TAS1R3: variants seen among roughly 807,000 people sequenced by gnomAD.
The protein encoded by TAS1R3 is taste 1 receptor member 3.
TAS1R3 carries 58 observed loss-of-function variants against 46.1 expected under a neutral mutation model. The observed-to-expected ratio is 1.26, with a 90% CI of 1.02 to 1.57. TAS1R3 has a LOEUF of 1.57. Among genes scored for constraint, TAS1R3 ranks in the 40% most tolerant of loss-of-function variants. The pLI is 0.00. For missense variants in TAS1R3, 1,422 were observed against 1,185.8 expected, an observed-to-expected ratio of 1.20 and a Z score of -2.93; for synonymous variants, 724 against 544.7, an observed-to-expected ratio of 1.33 and a Z score of -4.58.
Position 1,332,225 on chromosome 1 carries a change from G to A in TAS1R3, c.694G>A (p.Ala232Thr), listed in dbSNP as rs1446807517. ...GAGCATCTTCTCGGCCCTGGCCGCG[G>A]CACGCGGCATCTGCATCGCGCACGA... ...GLSIFSALAA[A>T]RGICIAHEGL... Residue 232 changes from alanine (A) to threonine (T), a missense_variant, in exon 3 of 6, where the codon GCA (alanine) becomes ACA (threonine). Physicochemically the swap from Ala to Thr is moderately conservative, Grantham distance 58 (BLOSUM62 0). Transcript: ENST00000339381. 1.9e-5 allele frequency: 30 copies of A among 1,592,604 alleles called. No individual in the cohort carries two copies. Among genetic ancestry groups the A allele is most frequent in the East Asian group, 6.7e-5 (3 of 44,554 alleles).
Position 1,332,611 on chromosome 1 carries a change from T to G in TAS1R3, c.1080T>G (p.Gly360=), listed in dbSNP as rs767688965. 5 of 1,610,548 alleles carry G rather than the reference T, an allele frequency of 3.1e-6. No individual in the cohort carries two copies. The Admixed American group carries it at 8.3e-5, about 27-fold the overall frequency. ...CTGCCCTGGGCGAGAGGGAGCAGGG[T>G]CTGGAGGAGGACGTGGTGGGCCAGC... The part of the protein sequence containing the change: ...FCSALGEREQ[G]LEEDVVGQRC... Residue 360 remains glycine, a synonymous_variant, in exon 3 of 6, where the codon GGT becomes GGG. Coordinates refer to ENST00000339381, the MANE Select transcript of TAS1R3 (RefSeq NM_152228.3).
Position 1,331,919 on chromosome 1 carries a change from G to T in TAS1R3, c.473G>T (p.Ser158Ile). Residue 158 changes from serine (S) to isoleucine (I), a missense_variant, in exon 2 of 6, where the codon AGC becomes ATC. Ser to Ile is a moderately radical substitution (Grantham distance 142, BLOSUM62 -2). Transcript: ENST00000339381. ...GCCATGGTCACCGGCAAGTTCTTCAGCTTCTTCCTCATGCCCCAGGTGGGC... is the reference window on the plus strand; with the variant it reads ...GCCATGGTCACCGGCAAGTTCTTCATCTTCTTCCTCATGCCCCAGGTGGGC... Reference protein sequence around the residue: ...ELAMVTGKFFSFFLMPQVSYG... With the variant: ...ELAMVTGKFFIFFLMPQVSYG... 1 of 1,611,722 alleles carries T rather than the reference G, an allele frequency of 6.2e-7. No homozygotes were observed. The highest frequency in any genetic ancestry group is 8.5e-7 in the Non-Finnish European group (1 of 1,179,148).
chr1:1,331,873 G>A lies in TAS1R3; in HGVS notation c.427G>A (p.Gly143Arg), dbSNP rs140582284. Residue 143 changes from glycine to arginine, a missense_variant, in exon 2 of 6, where the codon GGG becomes AGG. Transcript: ENST00000339381. Reference sequence around the variant, plus strand: ...CCAGCCCCGTGTGCTGGCTGTCATCGGGCCCCACTCGTCAGAGCTCGCCAT... The same window carrying A: ...CCAGCCCCGTGTGCTGGCTGTCATCAGGCCCCACTCGTCAGAGCTCGCCAT... ...QYQPRVLAVIGPHSSELAMVT... is the reference protein window; with the variant it reads ...QYQPRVLAVIRPHSSELAMVT... 225 of 1,612,822 alleles carry A rather than the reference G, an allele frequency of 1.4e-4. No individual in the cohort carries two copies. In the Middle Eastern group the frequency reaches 2.5e-3, roughly 18 times the overall value.
In TAS1R3 at chr1:1,332,257, GGTGCCGCTGCCCC is replaced by G. The variant is rs750601498; in HGVS notation, c.733_745del (p.Leu245MetfsTer15). On this transcript the variant is annotated frameshift_variant, in exon 3 of 6. Coordinates refer to ENST00000339381, the MANE Select transcript of TAS1R3 (RefSeq NM_152228.3). LOFTEE classifies it high-confidence loss of function. ...GCATCTGCATCGCGCACGAGGGCCT[GGTGCCGCTGCCCC>G]GTGCCGATGACTCGCGGCTGGGGAA... 1.2e-5 allele frequency: 19 copies of G among 1,597,962 alleles called. No individual in the cohort carries two copies. Among genetic ancestry groups the G allele is most frequent in the Middle Eastern group, 1.6e-4 (1 of 6,066 alleles).
At position 1,332,987 on chromosome 1, in the gene TAS1R3, G is replaced by T. The variant is rs143311630; in HGVS notation, c.1342G>T (p.Gly448Ter). The stretch of plus-strand genomic sequence containing the variant: ...GCTGCCGCTGCGGTTCGACAGCAGC[G>T]GAAACGTGGACATGGAGTACGACCT... Reference protein sequence around the residue: ...GGLPLRFDSSGNVDMEYDLKL... With the variant: ...GGLPLRFDSS The change falls in exon 4 of 6, where the codon GGA becomes TGA. Residue 448 changes from glycine to a stop codon, truncating the protein, a stop_gained. Coordinates refer to ENST00000339381, the MANE Select transcript of TAS1R3 (RefSeq NM_152228.3). LOFTEE classifies it high-confidence loss of function. The T allele has an allele frequency of 6.2e-7, 1 of 1,612,732 alleles. No homozygotes were observed. The highest frequency in any genetic ancestry group is 1.1e-5 in the South Asian group (1 of 91,084).
Position 1,333,797 on chromosome 1 carries a change from C to A in TAS1R3, c.1892C>A (p.Ala631Asp). 3.8e-6 allele frequency: 6 copies of A among 1,594,974 alleles called. No homozygotes were observed. The highest frequency in any genetic ancestry group is 5.1e-6 in the Non-Finnish European group (6 of 1,175,828). The change falls in exon 6 of 6, where the codon GCC becomes GAC. Residue 631 changes from alanine to aspartate, a missense_variant. Transcript: ENST00000339381. ...VLLFPGQPSPARCLAQQPLSH... is the reference protein window; with the variant it reads ...VLLFPGQPSPDRCLAQQPLSH... ...CTGTTCCCTGGCCAGCCCAGCCCTG[C>A]CCGATGCCTGGCCCAGCAGCCCTTG...
Position 1,332,480 on chromosome 1 carries a change from C to T in TAS1R3, c.949C>T (p.Gln317Ter). The T allele has an allele frequency of 6.2e-7, 1 of 1,610,382 alleles. No homozygotes were observed. The highest frequency in any genetic ancestry group is 8.5e-7 in the Non-Finnish European group (1 of 1,179,872). Residue 317 changes from glutamine (Q) to a stop codon, truncating the protein, a stop_gained, in exon 3 of 6, where the codon CAG (glutamine) becomes TAG (stop). Coordinates refer to ENST00000339381, the MANE Select transcript of TAS1R3 (RefSeq NM_152228.3). LOFTEE classifies it high-confidence loss of function. ...DLVMGLPGMA[Q>*]MGTVLGFLQR... Reference sequence around the variant, plus strand: ...GGTCATGGGGCTGCCCGGCATGGCCCAGATGGGCACGGTGCTTGGCTTCCT... The same window carrying T: ...GGTCATGGGGCTGCCCGGCATGGCCTAGATGGGCACGGTGCTTGGCTTCCT...
rs751121014 is a variant in TAS1R3 at position 1,333,861 on chromosome 1, C to T, written c.1956C>T (p.Phe652=). The T allele has an allele frequency of 3.7e-6, 6 of 1,600,364 alleles. No individual in the cohort carries two copies. Among genetic ancestry groups the T allele is most frequent in the Admixed American group, 1.7e-5 (1 of 59,976 alleles). Reference sequence around the variant, plus strand: ...TCACGGGCTGCCTGAGCACACTCTTCCTGCAGGCGGCCGAGATCTTCGTGG... The same window carrying T: ...TCACGGGCTGCCTGAGCACACTCTTTCTGCAGGCGGCCGAGATCTTCGTGG... ...LPLTGCLSTL[F]LQAAEIFVES... is the part of the protein sequence containing the mutation. Residue 652 remains phenylalanine (F), a synonymous_variant, in exon 6 of 6, where the codon TTC becomes TTT. Coordinates refer to ENST00000339381, the MANE Select transcript of TAS1R3 (RefSeq NM_152228.3).
At position 1,331,512 on chromosome 1, in the gene TAS1R3, G is replaced by A. The variant is rs373813861; in HGVS notation, c.167G>A (p.Arg56Gln). The A allele has an allele frequency of 4.5e-5, 72 of 1,601,344 alleles. No individual in the cohort carries two copies. Among genetic ancestry groups the A allele is most frequent in the Middle Eastern group, 1.7e-4 (1 of 6,038 alleles). The change falls in exon 1 of 6, where the codon CGG (arginine) becomes CAG (glutamine). Residue 56 changes from arginine (R) to glutamine (Q), a missense_variant. Coordinates refer to ENST00000339381, the MANE Select transcript of TAS1R3 (RefSeq NM_152228.3). ...AEEAGLRSRT[R>Q]PSSPVCTRFS... The stretch of plus-strand genomic sequence containing the variant: ...GAGGCTGGCCTCCGCAGCCGGACAC[G>A]GCCCAGCAGCCCTGTGTGCACCAGG...
intron 3 of TAS1R3, 38 bp from the exon 4 acceptor site, chr1:1,332,883 G>A (rs1557656976): frequency 6.3e-7 from 1 of 1,590,384 alleles, no homozygotes; most frequent in African/African-American, 1.3e-5. Flanking sequence ...GCCTGAGCTG[G>A]AGGTGGCTGG....
rs778476233 is a variant in TAS1R3 at position 1,332,242 on chromosome 1, C to T, written c.711C>T (p.Ile237=). ...TGGCCGCGGCACGCGGCATCTGCATCGCGCACGAGGGCCTGGTGCCGCTGC... is the reference window on the plus strand; with the variant it reads ...TGGCCGCGGCACGCGGCATCTGCATTGCGCACGAGGGCCTGGTGCCGCTGC... The part of the protein sequence containing the change: ...SALAAARGIC[I]AHEGLVPLPR... Residue 237 remains isoleucine, a synonymous_variant, in exon 3 of 6, where the codon ATC becomes ATT. Transcript: ENST00000339381. The T allele has an allele frequency of 6.3e-6, 10 of 1,594,816 alleles. No individual in the cohort carries two copies. The highest frequency in any genetic ancestry group is 1.3e-5 in the African/African-American group (1 of 74,902).
Position 1,332,283 on chromosome 1 carries a change from C to T in TAS1R3, c.752C>T (p.Ser251Leu), listed in dbSNP as rs544429799. 109 of 1,604,242 alleles carry T rather than the reference C, an allele frequency of 6.8e-5. 2 individuals carry two copies. The highest frequency in any genetic ancestry group is 6.4e-4 in the South Asian group (58 of 90,674). The change falls in exon 3 of 6, where the codon TCG becomes TTG. Residue 251 changes from serine (S) to leucine (L), a missense_variant. Transcript: ENST00000339381. ...GLVPLPRADD[S>L]RLGKVQDVLH... ...GTGCCGCTGCCCCGTGCCGATGACT[C>T]GCGGCTGGGGAAGGTGCAGGACGTC...
In TAS1R3 at chr1:1,333,705, G is replaced by C; in HGVS notation, c.1800G>C (p.Gln600His). ...FVHHRDSPLVQASGGPLACFG... is the reference protein window; with the variant it reads ...FVHHRDSPLVHASGGPLACFG... ...ACCATCGGGACAGCCCACTGGTTCA[G>C]GCCTCGGGGGGGCCCCTGGCCTGCT... Residue 600 changes from glutamine to histidine, a missense_variant, in exon 6 of 6, where the codon CAG becomes CAC. Coordinates refer to ENST00000339381, the MANE Select transcript of TAS1R3 (RefSeq NM_152228.3). 1 of 1,610,336 alleles carries C rather than the reference G, an allele frequency of 6.2e-7. No individual in the cohort carries two copies.
chr1:1,333,321 C>G lies in TAS1R3; in HGVS notation c.1542C>G (p.Phe514Leu), dbSNP rs200580453. 8.2e-5 allele frequency: 132 copies of G among 1,604,870 alleles called. 3 individuals carry two copies. The East Asian group carries it at 2.7e-3, about 33-fold the overall frequency. The change falls in exon 5 of 6, where the codon TTC becomes TTG. Residue 514 changes from phenylalanine to leucine, a missense_variant. By Grantham distance (22) the Phe-to-Leu change is conservative. Coordinates refer to ENST00000339381, the MANE Select transcript of TAS1R3 (RefSeq NM_152228.3). Reference protein sequence around the residue: ...QEGQVRRVKGFHSCCYDCVDC... With the variant: ...QEGQVRRVKGLHSCCYDCVDC... ...GCCAGGTGCGCCGGGTCAAGGGGTT[C>G]CACTCCTGCTGCTACGACTGTGTGG...
Position 1,333,124 on chromosome 1 carries a change from G to C in TAS1R3, c.1479G>C (p.Gln493His), listed in dbSNP as rs1202332900. The change falls in exon 4 of 6, where the codon CAG becomes CAC. Residue 493 changes from glutamine (Q) to histidine (H), a missense_variant and splice_region_variant. Physicochemically the swap from Gln to His is conservative, Grantham distance 24. Transcript: ENST00000339381. ...TCCGCTGGCACACGTCTGACAACCA[G>C]GTGAGGTGAGGGTGGGTGTGCCAGG... The part of the protein sequence containing the change: ...LKIRWHTSDN[Q>H]KPVSRCSRQC... 8 of 1,610,308 alleles carry C rather than the reference G, an allele frequency of 5.0e-6. No individual in the cohort carries two copies. The highest frequency in any genetic ancestry group is 5.9e-6 in the Non-Finnish European group (7 of 1,179,064).
rs778899419 is a variant in TAS1R3, at chr1:1,331,944, C to CA, written c.492+6_492+7insA. 5 of 1,599,912 alleles carry CA rather than the reference C, an allele frequency of 3.1e-6. No homozygotes were observed. In the African/African-American group the frequency reaches 4.5e-5, roughly 14 times the overall value. ...GCTTCTTCCTCATGCCCCAGGTGGG[C>CA]GCCCCCCACCATCACCCACCCCCAC... On this transcript the variant is annotated splice_region_variant and intron_variant, in intron 2 of 5. Coordinates refer to ENST00000339381, the MANE Select transcript of TAS1R3 (RefSeq NM_152228.3).
rs779062644 is a variant in TAS1R3 at position 1,332,959 on chromosome 1, C to T, written c.1314C>T (p.Gly438=). ...ENMYNLTFHV[G]GLPLRFDSSG... is the part of the protein sequence containing the mutation. ...TGTACAACCTGACCTTCCACGTGGG[C>T]GGGCTGCCGCTGCGGTTCGACAGCA... Residue 438 remains glycine (G), a synonymous_variant, in exon 4 of 6, where the codon GGC becomes GGT. Coordinates refer to ENST00000339381, the MANE Select transcript of TAS1R3 (RefSeq NM_152228.3). The T allele has an allele frequency of 1.2e-5, 19 of 1,611,700 alleles. No homozygotes were observed. The highest frequency in any genetic ancestry group is 1.6e-4 in the Middle Eastern group (1 of 6,082).
Position 1,331,923 on chromosome 1 carries a change from C to A in TAS1R3, c.477C>A (p.Phe159Leu). The A allele has an allele frequency of 6.2e-7, 1 of 1,611,494 alleles. No homozygotes were observed. The highest frequency in any genetic ancestry group is 8.5e-7 in the Non-Finnish European group (1 of 1,179,082). Reference protein sequence around the residue: ...LAMVTGKFFSFFLMPQVSYGA... With the variant: ...LAMVTGKFFSLFLMPQVSYGA... Reference sequence around the variant, plus strand: ...TGGTCACCGGCAAGTTCTTCAGCTTCTTCCTCATGCCCCAGGTGGGCGCCC... The same window carrying A: ...TGGTCACCGGCAAGTTCTTCAGCTTATTCCTCATGCCCCAGGTGGGCGCCC... The change falls in exon 2 of 6, where the codon TTC becomes TTA. Residue 159 changes from phenylalanine to leucine, a missense_variant. Phe to Leu is a conservative substitution (Grantham distance 22). Coordinates refer to ENST00000339381, the MANE Select transcript of TAS1R3 (RefSeq NM_152228.3).
rs1420306241 is a variant in TAS1R3 at position 1,333,626 on chromosome 1, T to C, written c.1721T>C (p.Leu574Pro). 1.2e-6 allele frequency: 2 copies of C among 1,611,314 alleles called. No homozygotes were observed. Among genetic ancestry groups the C allele is most frequent in the African/African-American group, 1.3e-5 (1 of 74,944 alleles). Residue 574 changes from leucine (L) to proline (P), a missense_variant, in exon 6 of 6, where the codon CTG becomes CCG. Coordinates refer to ENST00000339381, the MANE Select transcript of TAS1R3 (RefSeq NM_152228.3). The part of the protein sequence containing the change: ...WGEPAVLLLL[L>P]LLSLALGLVL... ...GAGCCGGCTGTGCTGCTGCTGCTCC[T>C]GCTGCTGAGCCTGGCGCTGGGCCTT...
Sources: gnomAD v4.1 joint callset for allele counts on GRCh38, gnomAD v4.1.1 for gene constraint, MANE v1.5 for transcripts, NCBI Gene and HGNC (gene_info 2026-07-23, HGNC 2026-07-21) for gene names.